NOL3: variants seen among roughly 807,000 people sequenced by gnomAD.
The protein encoded by NOL3 is muscle-enriched cytoplasmic protein.
Under a neutral mutation model 19.2 loss-of-function variants are expected in NOL3, and 18 were observed. The observed-to-expected ratio is 0.94, with a 90% CI of 0.65 to 1.39. NOL3 has a LOEUF of 1.39. Ranked by LOEUF, NOL3 falls within the 40% of genes most tolerant of loss-of-function variation. The pLI is 0.00. For synonymous variants in NOL3, 127 were observed against 137.3 expected, an observed-to-expected ratio of 0.93 and a Z score of 0.52; for missense variants, 290 against 289.5, an observed-to-expected ratio of 1.00 and a Z score of -0.01.
chr16:67,175,484 G>C (rs1400753777), exon 4 of NOL3: 1 of 348,338 alleles, frequency 2.9e-6, no homozygotes, highest in Non-Finnish European at 4.3e-6. Context: ...TGAACATGGA[G>C]CAAGGGGAGG....
At position 67,174,143 on chromosome 16, in the gene NOL3, C is replaced by T; in HGVS notation, c.-8-19C>T. The T allele has an allele frequency of 6.2e-7, 1 of 1,604,474 alleles. No individual in the cohort carries two copies. The highest frequency in any genetic ancestry group is 8.5e-7 in the Non-Finnish European group (1 of 1,174,696). On this transcript the variant is annotated intron_variant, in intron 1 of 3. Transcript: ENST00000268605. The stretch of plus-strand genomic sequence containing the variant: ...GGGAGGGCAACCCCCCATTACTTCT[C>T]TCCCCTTTCCCCATGCAGCCCCGAC...
Position 67,173,838 on chromosome 16 carries a change from G to A in NOL3, c.-8-324G>A, listed in dbSNP as rs1209963768. The A allele has an allele frequency of 5.2e-6, 8 of 1,529,284 alleles. No individual in the cohort carries two copies. The African/African-American group carries it at 9.6e-5, about 18-fold the overall frequency. The allele number at this position is 1,529,284 out of a possible 1,614,324, so 94.7% of individuals were successfully genotyped here. A position where few individuals can be genotyped will look rare whatever the true frequency, so the allele number is the denominator to read the frequency against. On this transcript the variant is annotated intron_variant, in intron 1 of 3. Transcript: ENST00000268605. ...ATTTGCCGGGGGTGGAGCTCAGGACGTCCTGGTTGGGGAGGGCATTCAGAG... is the reference window on the plus strand; with the variant it reads ...ATTTGCCGGGGGTGGAGCTCAGGACATCCTGGTTGGGGAGGGCATTCAGAG...
intron 1 of NOL3, chr16:67,172,694 T>C (rs2031840117): frequency 6.6e-6 from 1 of 151,108 alleles, no homozygotes; most frequent in Admixed American, 6.6e-5. Context: ...GAGCCAGGCA[T>C]GGTGGTTCAC....
exon 2 of NOL3, chr16:67,174,346 C>A: frequency 6.3e-7 from 1 of 1,590,576 alleles, no homozygotes; most frequent in South Asian, 1.1e-5. Flanking sequence ...GCAGGGTGCG[C>A]CGCCTACTGC....
chr16:67,175,274 C>T, exon 4 of NOL3: 1 of 1,437,032 alleles, frequency 7.0e-7, no homozygotes, highest in Non-Finnish European at 9.1e-7. Context: ...CTGGGCAGGC[C>T]CAAGCCCACC....
intron 1 of NOL3, among the ~76,000 whole-genome samples, chr16:67,173,174 G>A (rs1022968278): frequency 1.1e-4 from 17 of 151,876 alleles, no homozygotes; most frequent in South Asian, 2.1e-4. Context: ...AGTATTTGTC[G>A]GTATCCTGTA....
exon 4 of NOL3, chr16:67,175,646 G>A (rs2032139800): frequency 6.5e-6 from 1 of 153,736 alleles, no homozygotes; most frequent in Non-Finnish European, 1.4e-5. Context: ...TGGACTGGGA[G>A]CTCAGTGAGG....
At chr16:67,173,417 A>T (rs1282516885) in intron 1 of NOL3, among the ~76,000 whole-genome samples, 1 of 152,164 alleles carries the variant, frequency 6.6e-6, no homozygotes, top group Non-Finnish European at 1.5e-5. Flanking sequence ...CCAGGAGACT[A>T]CATTGGGGTT....
At chr16:67,174,335 C>G (rs375270565) in exon 2 of NOL3, 2 of 1,597,020 alleles carry the variant, frequency 1.3e-6, no homozygotes, top group East Asian at 2.3e-5. Flanking sequence ...TGATGCCGAG[C>G]GCAGGGTGCG....
At chr16:67,174,934 C>G (rs777756393) in exon 3 of NOL3, 31 of 1,611,930 alleles carry the variant, frequency 1.9e-5, no homozygotes, top group Non-Finnish European at 2.6e-5. Context: ...AGGAAAGGGA[C>G]GAGTCCGAAG....
chr16:67,174,012 TG>T, intron 1 of NOL3, 149 bp from the exon 2 acceptor site: 1 of 1,544,600 alleles, frequency 6.5e-7, no homozygotes, highest in South Asian at 1.2e-5. Context: ...CTCCAGGTCC[TG>T]TGCTTGCGGA....
At chr16:67,173,350 G>T (rs188606384) in intron 1 of NOL3, among the ~76,000 whole-genome samples, 1 of 152,202 alleles carries the variant, frequency 6.6e-6, no homozygotes, top group Non-Finnish European at 1.5e-5. Flanking sequence ...CTTGGTCAGA[G>T]CTAGGCCTGA....
chr16:67,174,771 C>T (rs1218133385), exon 3 of NOL3: 3 of 1,608,264 alleles, frequency 1.9e-6, no homozygotes, highest in African/African-American at 1.3e-5. Context: ...CAATCCGGGA[C>T]CCCGGAGGAG....
At chr16:67,174,022 G>A in intron 1 of NOL3, 140 bp from the exon 2 acceptor site, 1 of 1,546,946 alleles carries the variant, frequency 6.5e-7, no homozygotes, top group South Asian at 1.2e-5. Context: ...TGTGCTTGCG[G>A]AGCCGTCCGG....
chr16:67,174,898 G>A, exon 3 of NOL3: 1 of 1,613,702 alleles, frequency 6.2e-7, no homozygotes, highest in Non-Finnish European at 8.5e-7. Context: ...AGCCAGAACC[G>A]GACCCAGAGC....
In NOL3 at chr16:67,174,301, G is replaced by A. The variant is rs768781533; in HGVS notation, c.132G>A (p.Glu44=). Residue 44 remains glutamate, a synonymous_variant, in exon 2 of 4, where the codon GAG becomes GAA. Coordinates refer to ENST00000268605, the Ensembl canonical transcript of NOL3. The stretch of plus-strand genomic sequence containing the variant: ...CGCGGGGCGTGCTCACCGGGCCAGA[G>A]TACGAGGCATTGGATGCACTGCCTG... 28 of 1,610,026 alleles carry A rather than the reference G, an allele frequency of 1.7e-5. No homozygotes were observed. In the African/African-American group the frequency reaches 3.2e-4, roughly 18 times the overall value.
At chr16:67,175,356 T>G in exon 4 of NOL3, 1 of 1,275,860 alleles carries the variant, frequency 7.8e-7, no homozygotes. Flanking sequence ...ATCCCAAACC[T>G]AGCCCCCTAG....
exon 2 of NOL3, chr16:67,174,424 C>A: frequency 6.6e-7 from 1 of 1,521,642 alleles, no homozygotes; most frequent in Non-Finnish European, 8.8e-7. Flanking sequence ...GTACCGCGGG[C>A]GCGCCGGACC....
chr16:67,174,729 A>T, exon 3 of NOL3: 2 of 1,610,756 alleles, frequency 1.2e-6, no homozygotes, highest in East Asian at 2.2e-5. Context: ...GACCCTGACG[A>T]GGCCGGGGGC....
Sources: gnomAD v4.1 joint callset for allele counts (sites outside exome capture counted in the v4.1 genomes callset) on GRCh38, gnomAD v4.1.1 for gene constraint, MANE v1.5 for transcripts, NCBI Gene and HGNC (gene_info 2026-07-23, HGNC 2026-07-21) for gene names.